The following NCOA1 variants were observed in gnomAD, a reference collection of about 807,000 sequenced individuals.
The protein encoded by NCOA1 is nuclear receptor coactivator 1.
In NCOA1, 35 loss-of-function variants were observed where a neutral mutation model predicts 150.9. The ratio of observed to expected loss-of-function variants is 0.23; its 90% CI spans 0.18 to 0.31. NCOA1 has a LOEUF of 0.31. Ranked by LOEUF, NCOA1 falls within the 10% of genes least tolerant of loss-of-function variation. The pLI is 1.00. For synonymous variants in NCOA1, 590 were observed against 630.0 expected (o/e 0.94, Z 0.95); for missense variants, 1,491 against 1,749.3 (o/e 0.85, Z 2.63).
chr2:24,640,347 C>T, intron 3 of NCOA1, among the ~76,000 whole-genome samples: 1 of 152,212 alleles, frequency 6.6e-6, no homozygotes, highest in Admixed American at 6.5e-5. Flanking sequence ...AGTCATCACT[C>T]TTCTTCAAAT....
intron 2 of NCOA1, among the ~76,000 whole-genome samples, chr2:24,569,308 T>C (rs1287643150): frequency 6.6e-6 from 1 of 152,136 alleles, no homozygotes; most frequent in Non-Finnish European, 1.5e-5. Context: ...AATTAGTTTT[T>C]TAGTAAAATG....
intron 3 of NCOA1, among the ~76,000 whole-genome samples, chr2:24,605,668 G>T (rs958171959): frequency 1.3e-5 from 2 of 152,142 alleles, no homozygotes; most frequent in African/African-American, 4.8e-5. Flanking sequence ...TTGTGGCAGA[G>T]GGTGGCTAGA....
Position 24,758,119 on chromosome 2 carries a change from T to C in NCOA1, c.4028T>C (p.Leu1343Ser). The C allele has an allele frequency of 8.1e-6, 13 of 1,614,078 alleles. No homozygotes were observed. The highest frequency in any genetic ancestry group is 1.0e-5 in the Non-Finnish European group (12 of 1,179,980). The stretch of plus-strand genomic sequence containing the variant: ...ATGGCCCAGATGCAGATGAGCTCTT[T>C]GCAGATGCCAGGAATGAACACTGTG... ...PMMAQMQMSSLQMPGMNTVCP... is the reference protein window; with the variant it reads ...PMMAQMQMSSSQMPGMNTVCP... Residue 1343 changes from leucine to serine, a missense_variant, in exon 21 of 23, where the codon TTG becomes TCG. By Grantham distance (145) the Leu-to-Ser change is moderately radical. This residue lies in a region of NCOA1 where 485 missense variants were observed against 522.8 expected (regional missense o/e 0.93). Coordinates refer to ENST00000348332, the MANE Select transcript of NCOA1 (RefSeq NM_003743.5).
At chr2:24,598,855 T>C (rs1667990292) in intron 3 of NCOA1, among the ~76,000 whole-genome samples, 1 of 152,168 alleles carries the variant, frequency 6.6e-6, no homozygotes, top group Non-Finnish European at 1.5e-5. Context: ...TGGGCTTCTA[T>C]TGAACTCATC....
intron 3 of NCOA1, among the ~76,000 whole-genome samples, chr2:24,622,841 T>C (rs1466209880): frequency 1.3e-5 from 2 of 152,212 alleles, no homozygotes; most frequent in South Asian, 2.1e-4. Flanking sequence ...TCCTAGTAGG[T>C]TGAATTTATT....
At chr2:24,585,091 A>T (rs1197999200) in intron 3 of NCOA1, among the ~76,000 whole-genome samples, 2 of 152,170 alleles carry the variant, frequency 1.3e-5, no homozygotes, top group Non-Finnish European at 2.9e-5. Flanking sequence ...AGATTGTGTC[A>T]GCCTTTCCTC....
intron 3 of NCOA1, among the ~76,000 whole-genome samples, chr2:24,638,622 T>C (rs1456833845): frequency 8.5e-5 from 13 of 152,182 alleles, no homozygotes; most frequent in Non-Finnish European, 1.9e-4. Context: ...GTTTAAGAGT[T>C]CTCTTTTCTC....
chr2:24,649,220 C>T (rs1476448991), intron 4 of NCOA1, among the ~76,000 whole-genome samples: 1 of 152,126 alleles, frequency 6.6e-6, no homozygotes, highest in Non-Finnish European at 1.5e-5. Flanking sequence ...CATGTTACTG[C>T]ACCCAGCAAC....
At chr2:24,704,313 ATT>A (rs1673304141) in intron 11 of NCOA1, among the ~76,000 whole-genome samples, 1 of 152,168 alleles carries the variant, frequency 6.6e-6, no homozygotes, top group Non-Finnish European at 1.5e-5. Context: ...AACTTAGTAA[ATT>A]TTATGGTGTG....
chr2:24,702,969 T>C (rs1390773089), intron 11 of NCOA1, among the ~76,000 whole-genome samples: 1 of 152,234 alleles, frequency 6.6e-6, no homozygotes, highest in Non-Finnish European at 1.5e-5. Context: ...TTGCCATAAA[T>C]AGTGTCTAGG....
chr2:24,583,041 TGCAACAAAA>T (rs1170364858), intron 2 of NCOA1, among the ~76,000 whole-genome samples: 1 of 152,040 alleles, frequency 6.6e-6, no homozygotes, highest in Non-Finnish European at 1.5e-5. Flanking sequence ...AATGCACAGG[TGCAACAAAA>T]GCAACAATAG....
At chr2:24,645,397 G>T (rs1220966977) in intron 4 of NCOA1, among the ~76,000 whole-genome samples, 1 of 151,536 alleles carries the variant, frequency 6.6e-6, no homozygotes, top group Admixed American at 6.6e-5. Flanking sequence ...TAGCTACTCG[G>T]GAGGCTGAGG....
intron 6 of NCOA1, among the ~76,000 whole-genome samples, chr2:24,670,907 A>G (rs1158888770): frequency 6.6e-6 from 1 of 152,216 alleles, no homozygotes; most frequent in Non-Finnish European, 1.5e-5. Context: ...GCAAAAATTA[A>G]AAACTATGAT....
At chr2:24,710,088 T>A (rs978193351) in intron 13 of NCOA1, among the ~76,000 whole-genome samples, 1 of 151,666 alleles carries the variant, frequency 6.6e-6, no homozygotes, top group Non-Finnish European at 1.5e-5. Context: ...TATTTTATTT[T>A]ATTTATTTAT....
At chr2:24,538,515 G>C (rs1262553520) in intron 1 of NCOA1, among the ~76,000 whole-genome samples, 3 of 152,154 alleles carry the variant, frequency 2.0e-5, no homozygotes, top group Admixed American at 6.5e-5. Flanking sequence ...TTACTTGTTT[G>C]GGATGTAATT....
chr2:24,651,633 C>G (rs6545667), intron 4 of NCOA1, among the ~76,000 whole-genome samples: 3,480 of 152,002 alleles, frequency 0.023, 128 homozygotes, highest in African/African-American at 0.078. Context: ...TATATAATAA[C>G]CATTTTACTA....
intron 17 of NCOA1, among the ~76,000 whole-genome samples, chr2:24,734,544 C>T (rs1663190112): frequency 6.6e-6 from 1 of 152,120 alleles, no homozygotes; most frequent in Admixed American, 6.5e-5. Context: ...CCTATAACCC[C>T]CCCATTTTGA....
chr2:24,692,005 T>G (rs1409873398), intron 9 of NCOA1, among the ~76,000 whole-genome samples: 1 of 152,210 alleles, frequency 6.6e-6, no homozygotes, highest in African/African-American at 2.4e-5. Context: ...ACAGCTCTGA[T>G]TTTTAGAAAG....
intron 8 of NCOA1, 96 bp downstream of exon 8, chr2:24,683,224 A>T: frequency 2.2e-5 from 15 of 669,550 alleles, no homozygotes; most frequent in Non-Finnish European, 3.2e-5. Flanking sequence ...TATAATACAC[A>T]GTATTATATA....
Sources: gnomAD v4.1 joint callset for allele counts (sites outside exome capture counted in the v4.1 genomes callset) on GRCh38, gnomAD v4.1.1 for gene constraint, gnomAD v4.1.1 regional missense constraint, MANE v1.5 for transcripts, NCBI Gene and HGNC (gene_info 2026-07-23, HGNC 2026-07-21) for gene names.